JAK2: variants seen among roughly 807,000 people sequenced by gnomAD.
The protein encoded by JAK2 is tyrosine-protein kinase JAK2.
In JAK2, 86 loss-of-function variants were observed where a neutral mutation model predicts 139.3. The observed-to-expected ratio is 0.62, with a 90% CI of 0.52 to 0.74. The LOEUF is 0.74. JAK2 is among the 30% of genes least tolerant of loss of function. The pLI, the probability that JAK2 is intolerant of heterozygous loss-of-function variation, is 0.00. For missense variants in JAK2, 1,421 were observed against 1,360.3 expected (o/e 1.04, Z -0.70); for synonymous variants, 490 against 437.7 (o/e 1.12, Z -1.49).
chr9:4,999,131 G>C (rs1414290913), intron 2 of JAK2, among the ~76,000 whole-genome samples: 1 of 152,024 alleles, frequency 6.6e-6, no homozygotes, highest in African/African-American at 2.4e-5. Context: ...GGGCTCAGGA[G>C]GTCTTTTAAG....
chr9:5,046,152 G>A (rs1318159906), intron 5 of JAK2, among the ~76,000 whole-genome samples: 1 of 152,088 alleles, frequency 6.6e-6, no homozygotes, highest in East Asian at 1.9e-4. Context: ...CTTTTCATAT[G>A]CTTGTTGGCC....
intron 22 of JAK2, among the ~76,000 whole-genome samples, chr9:5,093,522 G>A (rs920717631): frequency 6.6e-6 from 1 of 152,136 alleles, no homozygotes; most frequent in Non-Finnish European, 1.5e-5. Flanking sequence ...CAAATAAGAT[G>A]AGAAGACCCC....
At chr9:4,990,338 G>A (rs549088870) in intron 2 of JAK2, among the ~76,000 whole-genome samples, 81 of 152,162 alleles carry the variant, frequency 5.3e-4, no homozygotes, top group Non-Finnish European at 1.1e-3. Context: ...AGAAACTGCC[G>A]TTTGATTAAT....
intron 3 of JAK2, among the ~76,000 whole-genome samples, chr9:5,023,807 A>T (rs983773285): frequency 3.3e-5 from 5 of 152,134 alleles, no homozygotes; most frequent in African/African-American, 1.2e-4. Context: ...AGTTATCTTG[A>T]CTATATTGTA....
rs1824157110 is a variant in JAK2, at chr9:5,128,662, CTTGTT to C, written c.*1874_*1878del. On this transcript the variant is annotated 3_prime_UTR_variant, in exon 25 of 25. Coordinates refer to ENST00000381652, the MANE Select transcript of JAK2 (RefSeq NM_004972.4). ...ATATAAAGAATCCCACATGTACATT[CTTGTT>C]TTTAGAATGGGGTGACTACCTTATT... is the stretch of plus-strand genomic sequence containing the variant. Among the ~76,000 whole-genome samples the C allele has an allele frequency of 6.6e-6, 1 of 151,834 alleles. No individual in the cohort carries two copies. The highest frequency in any genetic ancestry group is 2.4e-5 in the African/African-American group (1 of 41,420).
At chr9:5,081,322 A>T (rs189774627) in intron 18 of JAK2, among the ~76,000 whole-genome samples, 5 of 151,818 alleles carry the variant, frequency 3.3e-5, no homozygotes, top group African/African-American at 9.7e-5. Flanking sequence ...CATATTTTAT[A>T]ATTGATTGAT....
intron 22 of JAK2, chr9:5,111,793 G>C (rs1044102273): frequency 9.5e-6 from 4 of 423,276 alleles, no homozygotes; most frequent in Non-Finnish European, 1.9e-5. Flanking sequence ...CCTTCTCCTT[G>C]GCCCCCGGAG....
chr9:4,985,388 C>T lies in JAK2; in HGVS notation c.-351C>T, dbSNP rs41303235. ...CTTCGGCTTCTCGGCCGGTCGGGCC[C>T]CTCGGCCCGGGCTTGCGGCGCGCGT... On this transcript the variant is annotated 5_prime_UTR_variant, in exon 1 of 25. Coordinates refer to ENST00000381652, the MANE Select transcript of JAK2 (RefSeq NM_004972.4). 0.03 allele frequency: 4,531 copies of T among 152,562 alleles called. 98 individuals are homozygous for T. The highest frequency in any genetic ancestry group is 0.044 in the Non-Finnish European group (3,006 of 68,196). The allele number at this position is 152,562 out of a possible 1,614,324, so 9.5% of individuals were successfully genotyped here.
chr9:5,117,677 AAATAT>A (rs1823303699), intron 22 of JAK2, among the ~76,000 whole-genome samples: 2 of 83,778 alleles, frequency 2.4e-5, no homozygotes. Context: ...ATAAATTAAT[AAATAT>A]TTTTATATTT....
intron 2 of JAK2, among the ~76,000 whole-genome samples, chr9:5,012,073 G>A (rs1821740567): frequency 6.6e-6 from 1 of 152,120 alleles, no homozygotes; most frequent in Non-Finnish European, 1.5e-5. Context: ...CAGGAGTCAG[G>A]CCCCACTGAC....
intron 2 of JAK2, among the ~76,000 whole-genome samples, chr9:5,017,139 A>G (rs966886338): frequency 6.6e-6 from 1 of 152,224 alleles, no homozygotes; most frequent in Non-Finnish European, 1.5e-5. Flanking sequence ...CCACAAAACA[A>G]TGCAGTAATA....
At chr9:5,112,865 G>T (rs1822750048) in intron 22 of JAK2, 2 of 457,860 alleles carry the variant, frequency 4.4e-6, no homozygotes, top group Non-Finnish European at 7.1e-6. Flanking sequence ...ACGCCTCCGT[G>T]GGACGAGCCA....
At chr9:5,014,977 A>C (rs550655010) in intron 2 of JAK2, among the ~76,000 whole-genome samples, 1 of 152,208 alleles carries the variant, frequency 6.6e-6, no homozygotes, top group African/African-American at 2.4e-5. Flanking sequence ...TATATGCCTA[A>C]ACAATGTACT....
Position 5,113,925 on chromosome 9 carries a change from G to T in JAK2, c.3060-9079G>T, listed in dbSNP as rs907485145. ...GTGATGGCAGTGGACACTTACCCCC[G>T]ACCATCCAGTTCCTGTGCCTCATCT... On this transcript the variant is annotated intron_variant, in intron 22 of 24. Coordinates refer to ENST00000381652, the MANE Select transcript of JAK2 (RefSeq NM_004972.4). 3 of 237,202 alleles carry T rather than the reference G, an allele frequency of 1.3e-5. No individual in the cohort carries two copies. In the South Asian group the frequency reaches 1.6e-4, roughly 13 times the overall value. The allele number at this position is 237,202 out of a possible 1,614,324, so 14.7% of individuals were successfully genotyped here. A position where few individuals can be genotyped will look rare whatever the true frequency, so the allele number is the denominator to read the frequency against.
chr9:4,989,264 T>C (rs1587790485), intron 2 of JAK2, among the ~76,000 whole-genome samples: 1 of 152,236 alleles, frequency 6.6e-6, no homozygotes, highest in African/African-American at 2.4e-5. Context: ...TCTTCTATCC[T>C]TTAATTTTTG....
At chr9:5,010,363 G>A (rs137995990) in intron 2 of JAK2, among the ~76,000 whole-genome samples, 44 of 138,580 alleles carry the variant, frequency 3.2e-4, no homozygotes, top group Non-Finnish European at 5.7e-4. Context: ...TCGCTCTGTC[G>A]CCCAGGCTGG....
At chr9:5,036,294 A>G (rs1020642194) in intron 4 of JAK2, among the ~76,000 whole-genome samples, 14 of 152,242 alleles carry the variant, frequency 9.2e-5, no homozygotes, top group African/African-American at 3.4e-4. Flanking sequence ...GAAAATGGCC[A>G]TACTGCCCAA....
chr9:5,083,915 T>G (rs966326505), intron 19 of JAK2, among the ~76,000 whole-genome samples: 3 of 152,188 alleles, frequency 2.0e-5, no homozygotes, highest in Non-Finnish European at 2.9e-5. Flanking sequence ...CCATTCTATA[T>G]ATACAATTCT....
rs1053596557 is a variant in JAK2 at position 5,054,665 on chromosome 9, A to G, written c.717A>G (p.Gln239=). The G allele has an allele frequency of 3.1e-6, 5 of 1,613,396 alleles. No homozygotes were observed. Among genetic ancestry groups the G allele is most frequent in the Admixed American group, 1.7e-5 (1 of 59,978 alleles). Residue 239 remains glutamine (Q), a synonymous_variant, in exon 7 of 25, where the codon CAA becomes CAG. Transcript: ENST00000381652. This position sits in a 1 kb window ranked among gnomAD's most constrained non-coding sequence, Gnocchi z 4.9. ...ACAGATTTCGCAGATTTATTCAGCA[A>G]TTCAGCCAATGCAAAGCCACTGCCA... ...IRYRFRRFIQ[Q]FSQCKATARN...
Sources: gnomAD v4.1 joint callset for allele counts (sites outside exome capture counted in the v4.1 genomes callset) on GRCh38, gnomAD v4.1.1 for gene constraint, Gnocchi (gnomAD v3.1) non-coding constraint, MANE v1.5 for transcripts, NCBI Gene and HGNC (gene_info 2026-07-23, HGNC 2026-07-21) for gene names.